GPI: variants seen among roughly 807,000 people sequenced by gnomAD.
GPI encodes the protein D-hexose-6-phosphate anomerase.
GPI carries 56 observed loss-of-function variants against 75.8 expected under a neutral mutation model. That is an observed-to-expected ratio of 0.74 (90% CI 0.60 to 0.92). GPI has a LOEUF of 0.92. Ranked by LOEUF, GPI falls within the 40% of genes least tolerant of loss-of-function variation. GPI has a pLI of 0.00. For synonymous variants in GPI, 288 were observed against 285.4 expected, an observed-to-expected ratio of 1.01 and a Z score of -0.09; for missense variants, 638 against 741.0, an observed-to-expected ratio of 0.86 and a Z score of 1.61.
In GPI at chr19:34,400,131, G is replaced by C; in HGVS notation, c.*95G>C. ...ACTGCATGTTCCTGGACACCACCCA[G>C]AGCACCCTCTGGTTGTGGGCTTGGA... is the stretch of plus-strand genomic sequence containing the variant. On this transcript the variant is annotated 3_prime_UTR_variant, in exon 18 of 18. Transcript: ENST00000356487. The C allele has an allele frequency of 7.4e-7, 1 of 1,357,062 alleles. No individual in the cohort carries two copies. Among genetic ancestry groups the C allele is most frequent in the Non-Finnish European group, 1.0e-6 (1 of 960,852 alleles). 84.1% of individuals were successfully genotyped at this position (1,357,062 alleles called of 1,614,324 possible). A position where few individuals can be genotyped will look rare whatever the true frequency, so the allele number is the denominator to read the frequency against.
At chr19:34,391,531 A>C (rs77858972) in intron 9 of GPI, among the ~76,000 whole-genome samples, 13 of 111,610 alleles carry the variant, frequency 1.2e-4, no homozygotes, top group African/African-American at 2.0e-4. Context: ...TGGGTCTGTC[A>C]ATGTCTGAGG....
intron 8 of GPI, chr19:34,379,798 TTCCGTCTCCCAGGCCTGAC>T (rs2074614052): frequency 1.6e-6 from 1 of 632,098 alleles, no homozygotes; most frequent in Non-Finnish European, 2.9e-6. Flanking sequence ...TAACCCCTTC[TTCCGTCTCCCAGGCCTGAC>T]TGATACACAG....
chr19:34,366,300 T>C, intron 1 of GPI, 45 bp from the exon 2 acceptor site: 3 of 1,249,358 alleles, frequency 2.4e-6, no homozygotes, highest in Non-Finnish European at 3.5e-6. Context: ...GGCTCCCCGC[T>C]AGGGAGACCA....
intron 4 of GPI, among the ~76,000 whole-genome samples, chr19:34,375,225 C>A (rs1346555395): frequency 6.6e-6 from 1 of 151,850 alleles, no homozygotes. Flanking sequence ...TCACTGCAAC[C>A]TCTGCCTCCT....
intron 12 of GPI, 136 bp from the exon 13 acceptor site, chr19:34,396,165 C>A (rs2074941350): frequency 2.3e-6 from 2 of 875,824 alleles, no homozygotes; most frequent in Non-Finnish European, 3.7e-6. Flanking sequence ...CTCAAACTTC[C>A]AACCTCAGGT....
intron 4 of GPI, among the ~76,000 whole-genome samples, chr19:34,369,255 G>T (rs61385561): frequency 0.13 from 19,049 of 151,514 alleles, 1,644 homozygotes; most frequent in African/African-American, 0.24. Context: ...CACCATGTTG[G>T]CCAGGCTGGT....
chr19:34,401,008 G>T lies in GPI; in HGVS notation c.*972G>T. The T allele has an allele frequency of 5.7e-6, 1 of 176,238 alleles. No individual in the cohort carries two copies. Among genetic ancestry groups the T allele is most frequent in the Non-Finnish European group, 1.2e-5 (1 of 85,160 alleles). The allele number at this position is 176,238 out of a possible 1,614,324, so 10.9% of individuals were successfully genotyped here. A position where few individuals can be genotyped will look rare whatever the true frequency, so the allele number is the denominator to read the frequency against. On this transcript the variant is annotated 3_prime_UTR_variant, in exon 18 of 18. Transcript: ENST00000356487. The stretch of plus-strand genomic sequence containing the variant: ...CCCACAGTGCTGGGATTACAGGTAT[G>T]AGCCACCACGCCCGGCCCATTTTTT...
At chr19:34,376,808 G>A (rs922878425) in intron 4 of GPI, among the ~76,000 whole-genome samples, 9 of 152,076 alleles carry the variant, frequency 5.9e-5, no homozygotes, top group African/African-American at 2.2e-4. Context: ...AGCACTTTGG[G>A]AGGCCGAGCT....
intron 9 of GPI, among the ~76,000 whole-genome samples, chr19:34,385,756 G>A (rs1315148552): frequency 6.6e-6 from 1 of 151,798 alleles, no homozygotes; most frequent in East Asian, 1.9e-4. Context: ...CTCATCACAT[G>A]CAGGTAGGGG....
chr19:34,368,789 C>T (rs2145327267), intron 4 of GPI, 87 bp downstream of exon 4: 1 of 1,481,614 alleles, frequency 6.7e-7, no homozygotes, highest in Non-Finnish European at 9.4e-7. Flanking sequence ...GCTCTTCCCT[C>T]TTCTTGTAGG....
intron 9 of GPI, among the ~76,000 whole-genome samples, chr19:34,389,628 G>A (rs997389278): frequency 7.9e-5 from 12 of 152,264 alleles, no homozygotes; most frequent in African/African-American, 2.6e-4. Flanking sequence ...ATTCTGTCAC[G>A]CTTGAGAAAG....
At chr19:34,365,128 G>A, upstream of GPI, 1 of 1,269,586 alleles carries the variant, frequency 7.9e-7, no homozygotes, top group South Asian at 2.5e-5. Context: ...CCGGGGCTCA[G>A]GGGTGGGGCC....
rs2145439126 is a variant in GPI, at chr19:34,400,116, C to T, written c.*80C>T. 4 of 1,448,380 alleles carry T rather than the reference C, an allele frequency of 2.8e-6. No individual in the cohort carries two copies. In the South Asian group the frequency reaches 3.4e-5, roughly 12 times the overall value. 89.7% of individuals were successfully genotyped at this position (1,448,380 alleles called of 1,614,324 possible). A position where few individuals can be genotyped will look rare whatever the true frequency, so the allele number is the denominator to read the frequency against. Reference sequence around the variant, plus strand: ...CTCCCCGGAGCCGGCACTGCATGTTCCTGGACACCACCCAGAGCACCCTCT... The same window carrying T: ...CTCCCCGGAGCCGGCACTGCATGTTTCTGGACACCACCCAGAGCACCCTCT... On this transcript the variant is annotated 3_prime_UTR_variant, in exon 18 of 18. Transcript: ENST00000356487.
Position 34,393,751 on chromosome 19 carries a change from C to G in GPI, c.889C>G (p.Leu297Val), listed in dbSNP as rs1190679134. The change falls in exon 11 of 18, where the codon CTC becomes GTC. Residue 297 changes from leucine (L) to valine (V), a missense_variant. Transcript: ENST00000356487. This position sits in a 1 kb window ranked among gnomAD's most constrained non-coding sequence, Gnocchi z 4.4. ...AGGTTTTGACAACTTCGAGCAGCTG[C>G]TCTCGGGGGCTCACTGGATGGTGAG... ...HVGFDNFEQL[L>V]SGAHWMDQHF... The G allele has an allele frequency of 6.2e-7, 1 of 1,613,222 alleles. No homozygotes were observed. The highest frequency in any genetic ancestry group is 1.3e-5 in the African/African-American group (1 of 74,914).
rs2074950579 is a variant in GPI at position 34,396,669 on chromosome 19, C to T, written c.1269+12C>T. 6.2e-7 allele frequency: 1 copy of T among 1,608,450 alleles called. No homozygotes were observed. The highest frequency in any genetic ancestry group is 8.5e-7 in the Non-Finnish European group (1 of 1,175,288). ...GTCTGCATCACAAGGTAAGAGCCCC[C>T]ATCTGGCCCCATCTGGGGGGTCTGG... On this transcript the variant is annotated intron_variant, in intron 14 of 17. Coordinates refer to ENST00000356487, the MANE Select transcript of GPI (RefSeq NM_000175.5).
rs147495994 is a variant in GPI, at chr19:34,378,794, G to A, written c.634-140G>A. 820 of 719,776 alleles carry A rather than the reference G, an allele frequency of 1.1e-3. 3 individuals are homozygous for A. In the African/African-American group the frequency reaches 0.013, roughly 11 times the overall value. The allele number at this position is 719,776 out of a possible 1,614,324, so 44.6% of individuals were successfully genotyped here. ...AAGAGCTGGAATCTCAGGAGGTTAT[G>A]TGGCGTCACTGTCACTGACCTGCAA... On this transcript the variant is annotated intron_variant, in intron 6 of 17. Coordinates refer to ENST00000356487, the MANE Select transcript of GPI (RefSeq NM_000175.5).
intron 14 of GPI, chr19:34,398,990 C>T: frequency 2.3e-6 from 1 of 443,282 alleles, no homozygotes; most frequent in Non-Finnish European, 4.2e-6. Context: ...CAGGCGTGAG[C>T]CACCGCGCCT....
chr19:34,372,816 C>G (rs536503693), intron 4 of GPI, among the ~76,000 whole-genome samples: 1 of 152,196 alleles, frequency 6.6e-6, no homozygotes, highest in South Asian at 2.1e-4. Flanking sequence ...CTCTTTCACC[C>G]AGGCTGGAGT....
At chr19:34,364,920 T>A, upstream of GPI, 1 of 1,486,242 alleles carries the variant, frequency 6.7e-7, no homozygotes, top group Non-Finnish European at 9.0e-7. Context: ...ATGGTAGCTC[T>A]CTGCAGCCTC....
Sources: allele counts gnomAD v4.1 joint callset (sites outside exome capture counted in the v4.1 genomes callset), GRCh38; gene constraint gnomAD v4.1.1; non-coding constraint Gnocchi (gnomAD v3.1); transcripts MANE v1.5; gene names NCBI Gene and HGNC (gene_info 2026-07-23, HGNC 2026-07-21).